Variants in RSPH10B2 observed in about 807,000 individuals in gnomAD.
RSPH10B2 encodes radial spoke head 10 homolog B2, also known as radial spoke head 10 homolog B2 (Chlamydomonas).
A neutral mutation model predicts 49.0 loss-of-function variants in RSPH10B2; 9 were observed. The ratio of observed to expected loss-of-function variants is 0.18; its 90% CI spans 0.11 to 0.32. The LOEUF is 0.32. RSPH10B2 is among the 10% of genes least tolerant of loss of function. The pLI, the probability that RSPH10B2 is intolerant of heterozygous loss-of-function variation, is 1.00. For synonymous variants in RSPH10B2, 35 were observed against 210.2 expected (o/e 0.17, Z 7.21); for missense variants, 95 against 589.9 (o/e 0.16, Z 8.69).
At chr7:6,794,045 T>C in intron 17 of RSPH10B2, 1 of 144,092 alleles carries the variant, frequency 6.9e-6, no homozygotes, top group Admixed American at 6.9e-5. Context: ...TCACCTTTGC[T>C]GCTAGGCATC....
chr7:6,781,187 A>C, intron 12 of RSPH10B2, 141 bp from the exon 15 acceptor site: 1 of 741,078 alleles, frequency 1.3e-6, no homozygotes, highest in Non-Finnish European at 1.9e-6. Context: ...GCAGCGAGCC[A>C]AGATGGTGCC....
In RSPH10B2 at chr7:6,790,201, T is replaced by TG. The variant is rs1308792596; in HGVS notation, c.2139+444dup. Among the ~76,000 whole-genome samples, 10 of 124,612 alleles carry TG rather than the reference T, an allele frequency of 8.0e-5. 1 individual carries two copies. The highest frequency in any genetic ancestry group is 1.6e-4 in the Non-Finnish European group (10 of 63,242). The allele number at this position is 124,612 out of a possible 152,430, so 81.8% of individuals were successfully genotyped here. A position where few individuals can be genotyped will look rare whatever the true frequency, so the allele number is the denominator to read the frequency against. On this transcript the variant is annotated intron_variant, in intron 16 of 18. Transcript: ENST00000297186. Reference sequence around the variant, plus strand: ...GGCATGTGGCCGGGGCGGGGGGTCCTGGCGTTTATTCTGGGTGAGTGGGAT... The same window carrying TG: ...GGCATGTGGCCGGGGCGGGGGGTCCTGGGCGTTTATTCTGGGTGAGTGGGAT...
At chr7:6,781,888 A>G (rs1206427817) in intron 13 of RSPH10B2, among the ~76,000 whole-genome samples, 355 of 99,562 alleles carry the variant, frequency 3.6e-3, no homozygotes, top group Admixed American at 6.8e-3. Context: ...ATATATAAAT[A>G]TATATATAAT....
intron 18 of RSPH10B2, among the ~76,000 whole-genome samples, chr7:6,797,592 G>A (rs887902824): frequency 1.3e-5 from 2 of 152,410 alleles, no homozygotes. Flanking sequence ...TGGGCATCAT[G>A]GCACATGCCG....
At chr7:6,781,712 T>C (rs1781940132) in intron 13 of RSPH10B2, 1 of 407,808 alleles carries the variant, frequency 2.5e-6, no homozygotes, top group Non-Finnish European at 3.8e-6. Context: ...AAGACAATGG[T>C]CCATGGCCTA....
At chr7:6,765,944 G>A (rs1410688556) in intron 5 of RSPH10B2, among the ~76,000 whole-genome samples, 153 bp downstream of exon 7, 1 of 106,258 alleles carries the variant, frequency 9.4e-6, no homozygotes, top group African/African-American at 3.7e-5. Context: ...TCTTTGAGAC[G>A]GAGTCTTGTT....
chr7:6,785,326 AC>A (rs1782109192), intron 13 of RSPH10B2, among the ~76,000 whole-genome samples: 1 of 151,474 alleles, frequency 6.6e-6, no homozygotes, highest in Non-Finnish European at 1.5e-5. Context: ...GCAGGCATGC[AC>A]CACCATGCTC....
chr7:6,793,306 C>T (rs190634223), intron 17 of RSPH10B2, among the ~76,000 whole-genome samples: 2,319 of 115,836 alleles, frequency 0.02, 356 homozygotes, highest in African/African-American at 0.077. Flanking sequence ...CCCGCCTTGG[C>T]GTCCCAAAGC....
intron 16 of RSPH10B2, among the ~76,000 whole-genome samples, chr7:6,791,369 G>GT (rs1164729990): frequency 2.1e-4 from 24 of 116,346 alleles, no homozygotes; most frequent in Non-Finnish European, 3.6e-4. Context: ...AGTTTTGGGG[G>GT]TTTTTTTTGA....
chr7:6,779,974 A>AT (rs769877980), intron 11 of RSPH10B2, among the ~76,000 whole-genome samples: 3,207 of 110,052 alleles, frequency 0.029, 244 homozygotes, highest in Non-Finnish European at 0.034. Flanking sequence ...TGCCTGGCTA[A>AT]TTTTTTTTTT....
intron 10 of RSPH10B2, 106 bp downstream of exon 12, chr7:6,776,652 G>A (rs1435411012): frequency 2.5e-5 from 1 of 40,438 alleles, no homozygotes; most frequent in African/African-American, 1.0e-4. Context: ...CGAGGCAGGC[G>A]GATCACGAGG....
chr7:6,793,685 A>G (rs1292988174), intron 17 of RSPH10B2, among the ~76,000 whole-genome samples: 2 of 139,010 alleles, frequency 1.4e-5, no homozygotes, highest in African/African-American at 2.7e-5. Flanking sequence ...CTCTACTAAA[A>G]ATACAAAAAT....
intron 7 of RSPH10B2, among the ~76,000 whole-genome samples, chr7:6,770,658 C>A (rs1781603481): frequency 6.8e-6 from 1 of 147,232 alleles, no homozygotes; most frequent in Non-Finnish European, 1.5e-5. Flanking sequence ...GTAATCCCAA[C>A]ACTTTTGGAG....
intron 13 of RSPH10B2, 94 bp from the exon 16 acceptor site, chr7:6,785,854 TG>T: frequency 7.4e-7 from 1 of 1,342,454 alleles, no homozygotes; most frequent in Non-Finnish European, 1.1e-6. Flanking sequence ...TATTAATTTC[TG>T]GTATACTTTC....
At chr7:6,786,705 CTGTG>C (rs1782196194) in intron 14 of RSPH10B2, among the ~76,000 whole-genome samples, 169 bp from the exon 17 acceptor site, 1 of 139,222 alleles carries the variant, frequency 7.2e-6, no homozygotes, top group Admixed American at 7.3e-5. Context: ...GTGTGCGTGT[CTGTG>C]CGTGTGTGTG....
intron 17 of RSPH10B2, among the ~76,000 whole-genome samples, chr7:6,795,978 G>C (rs569449144): frequency 2.1e-5 from 3 of 145,710 alleles, no homozygotes; most frequent in Non-Finnish European, 4.5e-5. Flanking sequence ...TTTTATTCTT[G>C]AAACATGGAA....
rs1468716732 is a variant in RSPH10B2 at position 6,780,102 on chromosome 7, C to T, written c.1529+378C>T. ...CCTCTCAAAGTTCTGGGATTACAGG[C>T]GTGAGCCACCATGCCCAGCCTCAGC... is the stretch of plus-strand genomic sequence containing the variant. On this transcript the variant is annotated intron_variant, in intron 11 of 18. Coordinates refer to ENST00000297186, the Ensembl canonical transcript of RSPH10B2. 5.7e-4 allele frequency among the ~76,000 whole-genome samples: 64 copies of T among 112,562 alleles called. 2 individuals carry two copies. The highest frequency in any genetic ancestry group is 1.7e-3 in the Admixed American group (17 of 9,886). The allele number at this position is 112,562 out of a possible 152,430, so 73.8% of individuals were successfully genotyped here.
intron 17 of RSPH10B2, among the ~76,000 whole-genome samples, chr7:6,795,929 CT>C (rs1487742277): frequency 7.9e-6 from 1 of 126,636 alleles, no homozygotes; most frequent in African/African-American, 3.1e-5. Context: ...GAGAGCTTGT[CT>C]TTAAAAAAAA....
intron 17 of RSPH10B2, among the ~76,000 whole-genome samples, chr7:6,795,915 G>A (rs1782535394): frequency 6.9e-6 from 1 of 145,018 alleles, no homozygotes; most frequent in Non-Finnish European, 1.5e-5. Context: ...CTGGGCCATA[G>A]AGTGAGAGCT....
Sources: gnomAD v4.1 joint callset for allele counts (sites outside exome capture counted in the v4.1 genomes callset) on GRCh38, gnomAD v4.1.1 for gene constraint, MANE v1.5 for transcripts, NCBI Gene and HGNC (gene_info 2026-07-23, HGNC 2026-07-21) for gene names.